The following IPPK variants were observed in gnomAD, a reference collection of about 807,000 sequenced individuals.
The protein encoded by IPPK is inositol-pentakisphosphate 2-kinase, also known as IPK1 homolog.
A neutral mutation model predicts 64.6 loss-of-function variants in IPPK; 22 were observed. That is an observed-to-expected ratio of 0.34 (90% CI 0.24 to 0.49). The LOEUF (loss-of-function observed/expected upper bound fraction) is 0.49, where lower values mean the gene tolerates loss of function less well. Among genes scored for constraint, IPPK ranks in the 20% least tolerant of loss-of-function variants. IPPK has a pLI of 0.99. For missense variants in IPPK, 532 were observed against 630.7 expected, an observed-to-expected ratio of 0.84 and a Z score of 1.68; for synonymous variants, 262 against 247.2, an observed-to-expected ratio of 1.06 and a Z score of -0.56.
intron 11 of IPPK, among the ~76,000 whole-genome samples, chr9:92,630,908 T>C (rs1851827789): frequency 6.6e-6 from 1 of 152,068 alleles, no homozygotes; most frequent in African/African-American, 2.4e-5. Context: ...TAAGTAAAAG[T>C]ACACAGAGGT....
chr9:92,654,437 C>T (rs573399335), intron 3 of IPPK, among the ~76,000 whole-genome samples: 1 of 152,102 alleles, frequency 6.6e-6, no homozygotes, highest in Non-Finnish European at 1.5e-5. Flanking sequence ...AGGATGATCA[C>T]TTGAGTCTGG....
At chr9:92,668,663 C>T (rs753659040) in intron 1 of IPPK, among the ~76,000 whole-genome samples, 1 of 152,228 alleles carries the variant, frequency 6.6e-6, no homozygotes, top group Non-Finnish European at 1.5e-5. Flanking sequence ...CACGCAGAAA[C>T]ATCCCTCACT....
intron 12 of IPPK, chr9:92,618,623 T>A (rs1382102559): frequency 2.2e-6 from 1 of 453,460 alleles, no homozygotes; most frequent in Non-Finnish European, 4.5e-6. Context: ...CTTAGCCCTG[T>A]AGGTATTTCC....
chr9:92,652,666 G>A, intron 3 of IPPK, 27 bp from the exon 4 acceptor site: 1 of 1,347,924 alleles, frequency 7.4e-7, no homozygotes, highest in Non-Finnish European at 1.0e-6. Context: ...GAAATTCTCA[G>A]TGTGAATTGC....
chr9:92,613,800 C>T lies in IPPK; in HGVS notation c.*2032G>A, dbSNP rs901617507. ...AATGAGGTCCTTTATGAAAGAAAGA[C>T]CCCCCTGCATAGCCTAAGTGCTATA... is the stretch of plus-strand genomic sequence containing the variant. On this transcript the variant is annotated 3_prime_UTR_variant, in exon 13 of 13. Transcript: ENST00000287996. 6.5e-6 allele frequency: 1 copy of T among 153,702 alleles called. No homozygotes were observed. The highest frequency in any genetic ancestry group is 6.4e-5 in the Admixed American group (1 of 15,646). 9.5% of individuals were successfully genotyped at this position (153,702 alleles called of 1,614,324 possible).
intron 11 of IPPK, among the ~76,000 whole-genome samples, chr9:92,626,745 A>C (rs1367229600): frequency 6.6e-6 from 1 of 152,206 alleles, no homozygotes; most frequent in Non-Finnish European, 1.5e-5. Flanking sequence ...TATAAAGCAC[A>C]GCACACCCAA....
At chr9:92,648,249 A>G in intron 5 of IPPK, 101 bp from the exon 6 acceptor site, 1 of 877,486 alleles carries the variant, frequency 1.1e-6, no homozygotes, top group South Asian at 1.6e-5. Flanking sequence ...CAGCAAGATA[A>G]TTAGGCATAA....
At chr9:92,640,433 A>G (rs763093649) in intron 8 of IPPK, among the ~76,000 whole-genome samples, 3 of 151,998 alleles carry the variant, frequency 2.0e-5, no homozygotes, top group Non-Finnish European at 4.4e-5. Flanking sequence ...CCACCCAGCA[A>G]CTGGTGGGGC....
intron 2 of IPPK, 102 bp from the exon 3 acceptor site, chr9:92,656,653 G>A: frequency 1.3e-6 from 1 of 746,244 alleles, no homozygotes; most frequent in Non-Finnish European, 2.4e-6. Flanking sequence ...CCACAAGCAA[G>A]GGGGACATCC....
intron 7 of IPPK, among the ~76,000 whole-genome samples, chr9:92,641,479 C>T (rs187672950): frequency 7.0e-4 from 107 of 152,318 alleles, no homozygotes; most frequent in African/African-American, 2.2e-3. Context: ...TGTTCTGACA[C>T]GTTAATAAAT....
chr9:92,662,004 T>G (rs1402109156), intron 1 of IPPK, among the ~76,000 whole-genome samples: 1 of 152,006 alleles, frequency 6.6e-6, no homozygotes, highest in Non-Finnish European at 1.5e-5. Context: ...ACACAATGAG[T>G]CCAAGGGGCA....
Position 92,642,746 on chromosome 9 carries a change from T to A in IPPK, c.563+6A>T. 6.2e-7 allele frequency: 1 copy of A among 1,613,562 alleles called. No homozygotes were observed. Among genetic ancestry groups the A allele is most frequent in the Non-Finnish European group, 8.5e-7 (1 of 1,179,494 alleles). ...ACAAGGGGGCAAAGGAGAAGTGTTC[T>A]CTTACCCTGAGTAGAGATCAAGGGG... On this transcript the variant is annotated splice_donor_region_variant and intron_variant, in intron 7 of 12. Transcript: ENST00000287996.
intron 1 of IPPK, among the ~76,000 whole-genome samples, chr9:92,664,634 A>C (rs992182422): frequency 5.3e-5 from 8 of 152,174 alleles, no homozygotes; most frequent in Non-Finnish European, 7.4e-5. Flanking sequence ...GGAAAGCCTC[A>C]CTGCCTGTAA....
chr9:92,635,166 G>A lies in IPPK; in HGVS notation c.1059C>T (p.Pro353=), dbSNP rs147459233. 20 of 1,612,080 alleles carry A rather than the reference G, an allele frequency of 1.2e-5. No homozygotes were observed. The African/African-American group carries it at 1.7e-4, about 14-fold the overall frequency. Reference sequence around the variant, plus strand: ...GGACCGCCCGACCTCACCTCTCCTCGGGAAACTCTTCCAGGTATCGCTCAA... The same window carrying A: ...GGACCGCCCGACCTCACCTCTCCTCAGGAAACTCTTCCAGGTATCGCTCAA... ...NRVERYLEEF[P]EERKTLQIDG... The change falls in exon 10 of 13, where the codon CCC becomes CCT. Residue 353 remains proline, a synonymous_variant. Coordinates refer to ENST00000287996, the MANE Select transcript of IPPK (RefSeq NM_022755.6). This position sits in a 1 kb window ranked among gnomAD's most constrained non-coding sequence, Gnocchi z 4.4.
intron 1 of IPPK, among the ~76,000 whole-genome samples, chr9:92,664,691 A>G (rs1273984217): frequency 6.6e-6 from 1 of 152,220 alleles, no homozygotes; most frequent in African/African-American, 2.4e-5. Flanking sequence ...GCCACAGGGA[A>G]CTGTGAGCAA....
At chr9:92,659,783 C>T (rs551057287) in intron 1 of IPPK, among the ~76,000 whole-genome samples, 14 of 152,144 alleles carry the variant, frequency 9.2e-5, no homozygotes, top group African/African-American at 3.4e-4. Flanking sequence ...ACCCGCTCCC[C>T]GCAGCCCTAC....
At chr9:92,634,607 C>T in intron 10 of IPPK, 119 bp from the exon 11 acceptor site, 1 of 709,810 alleles carries the variant, frequency 1.4e-6, no homozygotes. Context: ...TTTTGAAAAA[C>T]ACATAACAGA....
chr9:92,640,849 T>C, intron 7 of IPPK, 67 bp from the exon 8 acceptor site: 2 of 1,100,144 alleles, frequency 1.8e-6, no homozygotes, highest in South Asian at 1.2e-5. Context: ...CACACACACC[T>C]GCTCGTGGCT....
At position 92,648,045 on chromosome 9, in the gene IPPK, G is replaced by A. The variant is rs1337154666; in HGVS notation, c.504+14C>T. On this transcript the variant is annotated intron_variant, in intron 6 of 12. Coordinates refer to ENST00000287996, the MANE Select transcript of IPPK (RefSeq NM_022755.6). ...TGCAGCTAGAGTAGCCCACAGCTGG[G>A]CATTGGCTCTCACCTTGAGGTGCTG... 1 of 1,599,770 alleles carries A rather than the reference G, an allele frequency of 6.3e-7. No individual in the cohort carries two copies. Among genetic ancestry groups the A allele is most frequent in the Non-Finnish European group, 8.6e-7 (1 of 1,168,392 alleles).
Sources: allele counts gnomAD v4.1 joint callset (sites outside exome capture counted in the v4.1 genomes callset), GRCh38; gene constraint gnomAD v4.1.1; non-coding constraint Gnocchi (gnomAD v3.1); transcripts MANE v1.5; gene names NCBI Gene and HGNC (gene_info 2026-07-23, HGNC 2026-07-21).